AGAP4: variants seen among roughly 807,000 people sequenced by gnomAD.
The protein encoded by AGAP4 is arf-GAP with GTPase, ANK repeat and PH domain-containing protein 4.
A neutral mutation model predicts 60.7 loss-of-function variants in AGAP4; 13 were observed. That is an observed-to-expected ratio of 0.21 (90% CI 0.14 to 0.34). The LOEUF (loss-of-function observed/expected upper bound fraction) is 0.34, where lower values mean the gene tolerates loss of function less well. Ranked by LOEUF, AGAP4 falls within the 10% of genes least tolerant of loss-of-function variation. The pLI, the probability that AGAP4 is intolerant of heterozygous loss-of-function variation, is 1.00. For synonymous variants in AGAP4, 70 were observed against 339.0 expected (o/e 0.21, Z 8.72); for missense variants, 169 against 884.0 (o/e 0.19, Z 10.26).
upstream of AGAP4, chr10:45,848,059 T>A: frequency 1.0e-6 from 1 of 991,526 alleles, no homozygotes; most frequent in Non-Finnish European, 1.2e-6. Context: ...GTTGAACAAC[T>A]TTTATTTGCT....
intron 4 of AGAP4, among the ~76,000 whole-genome samples, chr10:45,839,483 T>G (rs1363408890): frequency 1.6e-5 from 2 of 122,804 alleles, no homozygotes; most frequent in African/African-American, 5.8e-5. Context: ...GGCTTAAACC[T>G]GAGATATAAA....
chr10:45,846,088 AC>A (rs2058994724), intron 2 of AGAP4, among the ~76,000 whole-genome samples: 2 of 143,838 alleles, frequency 1.4e-5, no homozygotes, highest in East Asian at 2.1e-4. Context: ...TTGACCATGA[AC>A]CAATCCCCAC....
At chr10:45,834,499 C>T (rs2058780374) in intron 4 of AGAP4, among the ~76,000 whole-genome samples, 1 of 127,666 alleles carries the variant, frequency 7.8e-6, no homozygotes, top group Non-Finnish European at 1.6e-5. Flanking sequence ...CATGGTGAAA[C>T]CCCGTCTCTA....
At chr10:45,849,583 A>T (rs1186188415), upstream of AGAP4, among the ~76,000 whole-genome samples, 29 of 151,160 alleles carry the variant, frequency 1.9e-4, no homozygotes, top group Non-Finnish European at 3.7e-4. Context: ...GATGTATAGA[A>T]ATACAATTGA....
chr10:45,831,268 A>G, intron 6 of AGAP4, 126 bp downstream of exon 6: 1 of 1,180,912 alleles, frequency 8.5e-7, no homozygotes, highest in East Asian at 2.4e-5. Flanking sequence ...AAATACAAAT[A>G]ATTTGCTTCA....
intron 4 of AGAP4, among the ~76,000 whole-genome samples, chr10:45,841,325 T>C (rs868947714): frequency 1.7e-4 from 25 of 149,130 alleles, no homozygotes; most frequent in African/African-American, 4.2e-4. Flanking sequence ...TTGTCTCAAA[T>C]TCCTGACCTC....
intron 6 of AGAP4, among the ~76,000 whole-genome samples, chr10:45,830,202 G>T (rs4043087): frequency 0.013 from 1,601 of 127,308 alleles, 3 homozygotes; most frequent in African/African-American, 0.026. Flanking sequence ...AGACAGAGTC[G>T]CTCTCTGTCA....
At chr10:45,829,767 C>T (rs1361078486) in intron 6 of AGAP4, among the ~76,000 whole-genome samples, 1 of 150,208 alleles carries the variant, frequency 6.7e-6, no homozygotes, top group Non-Finnish European at 1.5e-5. Context: ...CGTATTTGTT[C>T]CCAATGATAA....
Position 45,826,936 on chromosome 10 carries a change from A to C in AGAP4, c.1040T>G (p.Leu347Arg). ...GATGGGTGTGCAGGCCGATGTGGCTAGGGATGGCCACTTTCCTGGGACTTT... is the reference window on the plus strand; with the variant it reads ...GATGGGTGTGCAGGCCGATGTGGCTCGGGATGGCCACTTTCCTGGGACTTT... ...TIKVPGKWPS[L>R]ATSACTPIST... is the part of the protein sequence containing the mutation. Residue 347 changes from leucine (L) to arginine (R), a missense_variant, in exon 8 of 8, where the codon CTA becomes CGA. Physicochemically the swap from Leu to Arg is moderately radical, Grantham distance 102 (BLOSUM62 -2). Coordinates refer to ENST00000616763, the MANE Select transcript of AGAP4 (RefSeq NM_001276343.3). 1 of 1,380,690 alleles carries C rather than the reference A, an allele frequency of 7.2e-7. No individual in the cohort carries two copies. Among genetic ancestry groups the C allele is most frequent in the East Asian group, 2.4e-5 (1 of 42,268 alleles). 85.5% of individuals were successfully genotyped at this position (1,380,690 alleles called of 1,614,324 possible).
At chr10:45,844,547 G>A in intron 2 of AGAP4, 153 bp from the exon 3 acceptor site, 1 of 1,363,426 alleles carries the variant, frequency 7.3e-7, no homozygotes, top group East Asian at 2.5e-5. Context: ...AGAGAGCCAG[G>A]CAAGATGGCA....
upstream of AGAP4, among the ~76,000 whole-genome samples, chr10:45,851,508 C>T (rs2059083757): frequency 6.6e-6 from 1 of 151,812 alleles, no homozygotes; most frequent in Non-Finnish European, 1.5e-5. Context: ...TGTGAGCGAG[C>T]TGGATGTCAG....
At chr10:45,836,897 C>T (rs2058826967) in intron 4 of AGAP4, among the ~76,000 whole-genome samples, 1 of 147,878 alleles carries the variant, frequency 6.8e-6, no homozygotes, top group African/African-American at 2.5e-5. Context: ...TGGAGTCTCG[C>T]TCTGTTGCCC....
chr10:45,834,695 A>AAAAG (rs1554897572), intron 4 of AGAP4, among the ~76,000 whole-genome samples: 2 of 125,828 alleles, frequency 1.6e-5, no homozygotes, highest in East Asian at 4.6e-4. Flanking sequence ...AAAAAAAAAA[A>AAAAG]AAAGAAAAGT....
chr10:45,850,496 T>C (rs2059070065), upstream of AGAP4, among the ~76,000 whole-genome samples: 1 of 152,028 alleles, frequency 6.6e-6, no homozygotes. Context: ...ATTTCAGTCA[T>C]TGAACCATGA....
chr10:45,837,640 T>A (rs1325930275), intron 4 of AGAP4, among the ~76,000 whole-genome samples: 2 of 151,802 alleles, frequency 1.3e-5, no homozygotes, highest in Admixed American at 6.6e-5. Flanking sequence ...ATTCAACAAA[T>A]GGTGCTGGGA....
In AGAP4 at chr10:45,831,336, C is replaced by G. The variant is rs2058728950; in HGVS notation, c.533+58G>C. 1.1e-4 allele frequency: 172 copies of G among 1,555,346 alleles called. 15 individuals carry two copies. In the South Asian group the frequency reaches 1.7e-3, roughly 16 times the overall value. On this transcript the variant is annotated intron_variant, in intron 6 of 7. Coordinates refer to ENST00000616763, the MANE Select transcript of AGAP4 (RefSeq NM_001276343.3). ...TCTAGAGCTGTGACCTAACACTGAG[C>G]TTGATATCTTGCAAAGTACTTAGCT... is the stretch of plus-strand genomic sequence containing the variant.
intron 2 of AGAP4, 142 bp from the exon 3 acceptor site, chr10:45,844,536 G>A (rs1399928238): frequency 4.8e-6 from 7 of 1,446,358 alleles, no homozygotes; most frequent in Non-Finnish European, 6.4e-6. Flanking sequence ...ATAGACATAA[G>A]AGAGAGCCAG....
chr10:45,853,822 A>T (rs2059111010), exon 1 of AGAP4: 4 of 1,285,068 alleles, frequency 3.1e-6, no homozygotes, highest in Admixed American at 4.6e-5. Context: ...TGGTTTTATG[A>T]TCCTCTGCAG....
At position 45,834,674 on chromosome 10, in the gene AGAP4, C is replaced by CAAA. The variant is rs1174820110; in HGVS notation, c.397-561_397-559dup. 1.6e-3 allele frequency among the ~76,000 whole-genome samples: 25 copies of CAAA among 15,224 alleles called. 1 individual carries two copies. Among genetic ancestry groups the CAAA allele is most frequent in the South Asian group, 8.4e-3 (2 of 238 alleles). 10.0% of individuals were successfully genotyped at this position (15,224 alleles called of 152,430 possible). On this transcript the variant is annotated intron_variant, in intron 4 of 7. Transcript: ENST00000616763. ...CGGCAGACAAAGTGAGACTCCGCCT[C>CAAA]AAAAAAAAAAAAAAAAAAAAAAAAG...
Sources: gnomAD v4.1 joint callset for allele counts (sites outside exome capture counted in the v4.1 genomes callset) on GRCh38, gnomAD v4.1.1 for gene constraint, MANE v1.5 for transcripts, NCBI Gene and HGNC (gene_info 2026-07-23, HGNC 2026-07-21) for gene names.